The following TNS3 variants were observed in gnomAD, a reference collection of about 807,000 sequenced individuals.
TNS3 encodes the protein tensin-3.
In TNS3, 45 loss-of-function variants were observed where a neutral mutation model predicts 140.9. That is an observed-to-expected ratio of 0.32 (90% CI 0.25 to 0.41). TNS3 has a LOEUF of 0.41. TNS3 is among the 10% of genes least tolerant of loss of function. The probability of loss-of-function intolerance (pLI) is 1.00; values close to 1 mark genes in which losing one functional copy is unlikely to be tolerated. For missense variants in TNS3, 1,716 were observed against 1,906.7 expected (o/e 0.90, Z 1.86); for synonymous variants, 815 against 788.4 (o/e 1.03, Z -0.56).
chr7:47,568,455 C>T (rs1800478263), intron 1 of TNS3, among the ~76,000 whole-genome samples: 1 of 152,164 alleles, frequency 6.6e-6, no homozygotes, highest in South Asian at 2.1e-4. Flanking sequence ...TCAGTTTCTA[C>T]AGAGTTAGTG....
intron 12 of TNS3, among the ~76,000 whole-genome samples, chr7:47,412,343 T>C (rs116207176): frequency 0.014 from 2,186 of 152,276 alleles, 58 homozygotes; most frequent in African/African-American, 0.05. Flanking sequence ...CAAAGGAGGC[T>C]AGACATGGCT....
At chr7:47,308,738 A>G (rs1786903085) in intron 20 of TNS3, among the ~76,000 whole-genome samples, 1 of 152,132 alleles carries the variant, frequency 6.6e-6, no homozygotes, top group East Asian at 1.9e-4. Context: ...TATATCACTC[A>G]ATGCCCAGTG....
At chr7:47,378,911 G>A (rs1183900457) in intron 16 of TNS3, among the ~76,000 whole-genome samples, 1 of 152,228 alleles carries the variant, frequency 6.6e-6, no homozygotes, top group Non-Finnish European at 1.5e-5. Context: ...GAGTTTTCCA[G>A]CAGACCATTC....
chr7:47,469,761 G>A (rs894045583), intron 4 of TNS3, among the ~76,000 whole-genome samples: 1 of 152,124 alleles, frequency 6.6e-6, no homozygotes. Context: ...ATCACCTGAG[G>A]TCAGGAGTTC....
At chr7:47,406,426 G>T (rs1163430869) in intron 13 of TNS3, among the ~76,000 whole-genome samples, 2 of 152,148 alleles carry the variant, frequency 1.3e-5, no homozygotes, top group Non-Finnish European at 2.9e-5. Context: ...CTGTGAACTT[G>T]ACCACTGTGA....
At chr7:47,345,122 G>T in intron 18 of TNS3, 84 bp from the exon 19 acceptor site, 1 of 1,120,978 alleles carries the variant, frequency 8.9e-7, no homozygotes, top group Non-Finnish European at 1.3e-6. Flanking sequence ...GGCTCCCCCA[G>T]GCTGGCCCAC....
At chr7:47,370,703 C>A (rs921251038) in intron 16 of TNS3, among the ~76,000 whole-genome samples, 1 of 152,242 alleles carries the variant, frequency 6.6e-6, no homozygotes, top group Non-Finnish European at 1.5e-5. Flanking sequence ...CCCGCACTTT[C>A]TTCTACTTCC....
intron 4 of TNS3, among the ~76,000 whole-genome samples, chr7:47,454,183 G>T (rs1171764002): frequency 2.0e-5 from 3 of 152,116 alleles, no homozygotes; most frequent in Non-Finnish European, 4.4e-5. Context: ...CTTCCAGGCT[G>T]AACACAAACA....
In TNS3 at chr7:47,296,240, A is replaced by G. The variant is rs143049448; in HGVS notation, c.3676+842T>C. On this transcript the variant is annotated intron_variant, in intron 24 of 30. Transcript: ENST00000311160. ...TGGATCAATTGGCTGTAGGATTTTC[A>G]TAAGATAGAAAGCCAGAACTTCCAA... 4.1e-3 allele frequency among the ~76,000 whole-genome samples: 630 copies of G among 152,338 alleles called. 6 individuals are homozygous for G. The highest frequency in any genetic ancestry group is 0.011 in the African/African-American group (476 of 41,582).
intron 2 of TNS3, among the ~76,000 whole-genome samples, chr7:47,528,057 G>A (rs1799262871): frequency 6.6e-6 from 1 of 152,140 alleles, no homozygotes; most frequent in South Asian, 2.1e-4. Flanking sequence ...GACCAGGGTG[G>A]CCGGTACCCA....
At chr7:47,502,859 A>T (rs149610224) in intron 3 of TNS3, among the ~76,000 whole-genome samples, 196 of 152,016 alleles carry the variant, frequency 1.3e-3, no homozygotes, top group African/African-American at 4.2e-3. Context: ...CAACACCAGC[A>T]CTCCTGTATT....
At chr7:47,524,948 A>G (rs1336117834) in intron 2 of TNS3, among the ~76,000 whole-genome samples, 1 of 152,092 alleles carries the variant, frequency 6.6e-6, no homozygotes, top group Non-Finnish European at 1.5e-5. Flanking sequence ...GTCACCTAAC[A>G]TCATAGCTGT....
intron 1 of TNS3, among the ~76,000 whole-genome samples, chr7:47,565,300 C>A (rs1187821628): frequency 1.9e-4 from 29 of 151,756 alleles, no homozygotes; most frequent in African/African-American, 6.5e-4. Flanking sequence ...TGGTCTCGAT[C>A]TCCTGACCTC....
chr7:47,299,403 GT>G (rs72413922), intron 23 of TNS3, among the ~76,000 whole-genome samples: 17,015 of 152,200 alleles, frequency 0.11, 1,223 homozygotes, highest in African/African-American at 0.2. Flanking sequence ...GCTTCCCTAA[GT>G]TGCTGGGATT....
intron 20 of TNS3, among the ~76,000 whole-genome samples, chr7:47,316,132 CTCTCTCTCTCT>C (rs1787392890): frequency 7.0e-6 from 1 of 142,588 alleles, no homozygotes; most frequent in Non-Finnish European, 1.5e-5. Flanking sequence ...CTCTCTCTCT[CTCTCTCTCTCT>C]CTCCATTCTT....
At chr7:47,283,335 A>C (rs1471180299) in intron 28 of TNS3, among the ~76,000 whole-genome samples, 4 of 152,380 alleles carry the variant, frequency 2.6e-5, no homozygotes, top group Admixed American at 1.3e-4. Context: ...TTAAAACAAT[A>C]GGTTCCAAGA....
chr7:47,454,060 A>G (rs1400706543), intron 4 of TNS3, among the ~76,000 whole-genome samples: 1 of 152,236 alleles, frequency 6.6e-6, no homozygotes, highest in Admixed American at 6.5e-5. Context: ...CACATAGAAA[A>G]GTGGACCAAG....
At chr7:47,322,852 AG>A (rs1383062637) in intron 20 of TNS3, among the ~76,000 whole-genome samples, 1 of 152,140 alleles carries the variant, frequency 6.6e-6, no homozygotes, top group African/African-American at 2.4e-5. Context: ...CCTCTTACGG[AG>A]GCCCTCGGTG....
chr7:47,429,085 C>T (rs560882728), intron 8 of TNS3, among the ~76,000 whole-genome samples: 136 of 152,312 alleles, frequency 8.9e-4, no homozygotes, highest in African/African-American at 3.1e-3. Context: ...AAACCACAGC[C>T]CAGGAGCTAC....
Sources: gnomAD v4.1 joint callset for allele counts (sites outside exome capture counted in the v4.1 genomes callset) on GRCh38, gnomAD v4.1.1 for gene constraint, MANE v1.5 for transcripts, NCBI Gene and HGNC (gene_info 2026-07-23, HGNC 2026-07-21) for gene names.